Variants in NLGN1 observed in about 807,000 individuals in gnomAD.
NLGN1 encodes neuroligin 1.
NLGN1 carries 12 observed loss-of-function variants against 65.5 expected under a neutral mutation model. That is an observed-to-expected ratio of 0.18 (90% CI 0.12 to 0.30). The LOEUF (loss-of-function observed/expected upper bound fraction) is 0.30, where lower values mean the gene tolerates loss of function less well. Among genes scored for constraint, NLGN1 ranks in the 10% least tolerant of loss-of-function variants. The pLI, the probability that NLGN1 is intolerant of heterozygous loss-of-function variation, is 1.00. For synonymous variants in NLGN1, 350 were observed against 359.5 expected, an observed-to-expected ratio of 0.97 and a Z score of 0.30; for missense variants, 750 against 1,007.1, an observed-to-expected ratio of 0.74 and a Z score of 3.46.
chr3:173,815,197 G>C (rs1171817512), intron 4 of NLGN1, among the ~76,000 whole-genome samples: 1 of 148,638 alleles, frequency 6.7e-6, no homozygotes, highest in Admixed American at 6.8e-5. Context: ...TGCAACCTCC[G>C]CCTCCCAGGT....
intron 3 of NLGN1, among the ~76,000 whole-genome samples, chr3:173,709,833 A>C (rs1768662475): frequency 6.7e-6 from 1 of 149,774 alleles, no homozygotes; most frequent in Admixed American, 6.7e-5. Context: ...AAAAATCAAG[A>C]ACCATATGCG....
At chr3:174,181,543 A>G (rs1053613714) in intron 4 of NLGN1, among the ~76,000 whole-genome samples, 81 of 152,132 alleles carry the variant, frequency 5.3e-4, no homozygotes, top group African/African-American at 1.9e-3. Context: ...CAATAATATC[A>G]AACACCTGGA....
At chr3:173,525,226 GTT>G (rs557846075) in intron 2 of NLGN1, among the ~76,000 whole-genome samples, 1 of 127,006 alleles carries the variant, frequency 7.9e-6, no homozygotes, top group East Asian at 3.3e-4. Context: ...TCCTGGGTGG[GTT>G]TTTTGTTGTT....
intron 2 of NLGN1, among the ~76,000 whole-genome samples, chr3:173,485,397 C>T (rs1486574455): frequency 6.6e-6 from 1 of 152,080 alleles, no homozygotes; most frequent in African/African-American, 2.4e-5. Context: ...ATCCTCTTTT[C>T]CCTCCTTCAA....
At chr3:174,178,323 A>G (rs181084911) in intron 4 of NLGN1, among the ~76,000 whole-genome samples, 3 of 152,278 alleles carry the variant, frequency 2.0e-5, no homozygotes, top group Admixed American at 2.0e-4. Flanking sequence ...ACCTGTTCCA[A>G]CATCTACTGT....
At chr3:174,165,414 T>C (rs1727315343) in intron 4 of NLGN1, among the ~76,000 whole-genome samples, 1 of 152,030 alleles carries the variant, frequency 6.6e-6, no homozygotes, top group African/African-American at 2.4e-5. Flanking sequence ...TGAAGAGATT[T>C]TGGATTTTAT....
At chr3:173,955,149 A>G (rs950865708) in intron 4 of NLGN1, among the ~76,000 whole-genome samples, 2 of 151,918 alleles carry the variant, frequency 1.3e-5, no homozygotes, top group African/African-American at 2.4e-5. Flanking sequence ...TAGAATTATC[A>G]TAAGTCAGAA....
intron 4 of NLGN1, among the ~76,000 whole-genome samples, chr3:173,843,852 G>T (rs2150692972): frequency 6.6e-6 from 1 of 151,956 alleles, no homozygotes; most frequent in South Asian, 2.1e-4. Context: ...CCCATTTTTG[G>T]GTATCTTCTC....
At chr3:173,474,936 C>G (rs1164028461) in intron 2 of NLGN1, among the ~76,000 whole-genome samples, 1 of 151,480 alleles carries the variant, frequency 6.6e-6, no homozygotes, top group Non-Finnish European at 1.5e-5. Flanking sequence ...CCAGCCTGGG[C>G]AACAGAGTGA....
Position 174,045,490 on chromosome 3 carries a change from G to A in NLGN1, c.647-229825G>A, listed in dbSNP as rs539917437. Among the ~76,000 whole-genome samples the A allele has an allele frequency of 5.8e-4, 88 of 152,160 alleles. No individual in the cohort carries two copies. The South Asian group carries it at 9.1e-3, about 16-fold the overall frequency. On this transcript the variant is annotated intron_variant, in intron 4 of 6. Transcript: ENST00000457714. ...CCAGGAGGCCTCTCCTGCAATACAT[G>A]GGGAGTATAATTCAGATTACAATCC... is the stretch of plus-strand genomic sequence containing the variant.
In NLGN1 at chr3:174,107,013, CACACAG is replaced by C. The variant is rs1361536955; in HGVS notation, c.647-168300_647-168295del. On this transcript the variant is annotated intron_variant, in intron 4 of 6. Transcript: ENST00000457714. ...ACACACACACACACACACACACACA[CACACAG>C]AGAGAGAGAGAGAGAGAGAGAGAGA... is the stretch of plus-strand genomic sequence containing the variant. 2.6e-3 allele frequency among the ~76,000 whole-genome samples: 265 copies of C among 100,516 alleles called. 2 individuals are homozygous for C. The highest frequency in any genetic ancestry group is 0.011 in the African/African-American group (216 of 20,298). 65.9% of individuals were successfully genotyped at this position (100,516 alleles called of 152,430 possible). A position where few individuals can be genotyped will look rare whatever the true frequency, so the allele number is the denominator to read the frequency against.
At chr3:174,209,210 C>T (rs1284750800) in intron 4 of NLGN1, among the ~76,000 whole-genome samples, 1 of 152,162 alleles carries the variant, frequency 6.6e-6, no homozygotes, top group African/African-American at 2.4e-5. Flanking sequence ...AAGTGTGAAC[C>T]ACCGTGCCCG....
intron 3 of NLGN1, among the ~76,000 whole-genome samples, chr3:173,677,570 T>G (rs1763345922): frequency 6.6e-6 from 1 of 152,104 alleles, no homozygotes; most frequent in Non-Finnish European, 1.5e-5. Context: ...AGCAGAAATA[T>G]TGTTGTGCAA....
intron 4 of NLGN1, among the ~76,000 whole-genome samples, chr3:174,110,284 C>T (rs1714901924): frequency 2.0e-5 from 3 of 151,950 alleles, no homozygotes; most frequent in Non-Finnish European, 2.9e-5. Context: ...TCCACATCTC[C>T]ACCTCTCAAA....
At chr3:173,955,806 G>T (rs1184872159) in intron 4 of NLGN1, among the ~76,000 whole-genome samples, 1 of 152,026 alleles carries the variant, frequency 6.6e-6, no homozygotes. Context: ...AATGATGAGA[G>T]AAAGGACCTT....
At chr3:174,197,447 C>T (rs1733630837) in intron 4 of NLGN1, among the ~76,000 whole-genome samples, 1 of 144,770 alleles carries the variant, frequency 6.9e-6, no homozygotes, top group Admixed American at 7.2e-5. Flanking sequence ...CAAATATTTT[C>T]AGTCTATTTG....
intron 2 of NLGN1, among the ~76,000 whole-genome samples, chr3:173,542,063 C>T (rs1373026455): frequency 1.3e-5 from 2 of 151,968 alleles, no homozygotes. Context: ...TTACTGGGAC[C>T]TCTCTGTTTG....
At chr3:173,800,118 G>C (rs1205602230) in intron 3 of NLGN1, among the ~76,000 whole-genome samples, 1 of 150,668 alleles carries the variant, frequency 6.6e-6, no homozygotes, top group African/African-American at 2.4e-5. Context: ...TTTTGGGAAA[G>C]GGTTTTTTTT....
At chr3:173,770,385 C>G (rs6779246) in intron 3 of NLGN1, among the ~76,000 whole-genome samples, 89,398 of 152,014 alleles carry the variant, frequency 0.59, 27,689 homozygotes, top group Non-Finnish European at 0.69. Flanking sequence ...GAGGAGAGTA[C>G]AAATGATACA....
Sources: allele counts gnomAD v4.1 joint callset (sites outside exome capture counted in the v4.1 genomes callset), GRCh38; gene constraint gnomAD v4.1.1; transcripts MANE v1.5; gene names NCBI Gene and HGNC (gene_info 2026-07-23, HGNC 2026-07-21).